The following LIN37 variants were observed in gnomAD, a reference collection of about 807,000 sequenced individuals.
The protein encoded by LIN37 is protein lin-37 homolog.
In LIN37, 21 loss-of-function variants were observed where a neutral mutation model predicts 38.0. That is an observed-to-expected ratio of 0.55 (90% CI 0.39 to 0.80). The LOEUF (loss-of-function observed/expected upper bound fraction) is 0.80. Ranked by LOEUF, LIN37 falls within the 30% of genes least tolerant of loss-of-function variation. LIN37 has a pLI of 0.00. For missense variants in LIN37, 273 were observed against 338.5 expected, an observed-to-expected ratio of 0.81 and a Z score of 1.52; for synonymous variants, 126 against 122.9, an observed-to-expected ratio of 1.03 and a Z score of -0.17.
chr19:35,749,884 G>A (rs912550008), intron 1 of LIN37, among the ~76,000 whole-genome samples: 3 of 152,000 alleles, frequency 2.0e-5, no homozygotes, highest in Admixed American at 1.3e-4. Flanking sequence ...GGTGAGGGAA[G>A]GTGTACACCT....
At position 35,748,664 on chromosome 19, in the gene LIN37, T is replaced by C. The variant is rs1027779005; in HGVS notation, c.-61T>C. 1.2e-6 allele frequency: 2 copies of C among 1,611,530 alleles called. No individual in the cohort carries two copies. The highest frequency in any genetic ancestry group is 2.2e-5 in the East Asian group (1 of 44,864). ...TGTCCCCGCCTTCTCCCGCCTTGAC[T>C]TGTGACCCTAGGCCCTTTGGGGCGC... On this transcript the variant is annotated 5_prime_UTR_variant, in exon 1 of 9. Transcript: ENST00000301159.
At chr19:35,751,256 G>A (rs1245429521) in intron 1 of LIN37, among the ~76,000 whole-genome samples, 2 of 151,964 alleles carry the variant, frequency 1.3e-5, no homozygotes, top group Non-Finnish European at 2.9e-5. Context: ...GGGAGGTGGA[G>A]GTTGCAGTGA....
intron 1 of LIN37, among the ~76,000 whole-genome samples, chr19:35,751,256 G>T (rs1245429521): frequency 6.6e-6 from 1 of 151,964 alleles, no homozygotes; most frequent in Non-Finnish European, 1.5e-5. Context: ...GGGAGGTGGA[G>T]GTTGCAGTGA....
chr19:35,749,064 A>C, intron 1 of LIN37: 1 of 941,856 alleles, frequency 1.1e-6, no homozygotes, highest in Non-Finnish European at 1.3e-6. Flanking sequence ...TAAATTTTTA[A>C]AATATTTAAA....
chr19:35,749,009 CG>C, intron 1 of LIN37: 1 of 1,313,850 alleles, frequency 7.6e-7, no homozygotes, highest in Non-Finnish European at 9.7e-7. Context: ...AATCCTGAGC[CG>C]GTAACTCTGA....
At chr19:35,749,868 A>G (rs1490777528) in intron 1 of LIN37, among the ~76,000 whole-genome samples, 1 of 152,050 alleles carries the variant, frequency 6.6e-6, no homozygotes. Context: ...TGTGACCACA[A>G]ATGATGGTGA....
chr19:35,749,236 C>T (rs891166944), intron 1 of LIN37, among the ~76,000 whole-genome samples: 7 of 151,926 alleles, frequency 4.6e-5, no homozygotes, highest in Non-Finnish European at 1.0e-4. Flanking sequence ...TCCCCATTTC[C>T]AGCAGTGATC....
In LIN37 at chr19:35,754,451, C is replaced by T. The variant is rs779939203; in HGVS notation, c.718C>T (p.Arg240Ter). Residue 240 changes from arginine (R) to a stop codon, truncating the protein, a stop_gained, in exon 9 of 9, where the codon CGA becomes TGA. Transcript: ENST00000301159. LOFTEE classifies it high-confidence loss of function. ...TTACTCAGAAAGCATGAAGATCCTA[C>T]GAGAGATGTACGAACGACAGTGATG... ...LRYSESMKIL[R>*]EMYERQ is the part of the protein sequence containing the mutation. The T allele has an allele frequency of 6.2e-7, 1 of 1,614,022 alleles. No individual in the cohort carries two copies. The highest frequency in any genetic ancestry group is 8.5e-7 in the Non-Finnish European group (1 of 1,179,876).
rs1970710526 is a variant in LIN37, at chr19:35,753,552, T to C, written c.444+299T>C. ...AGCCGAGGGGCTAGACAAGGGTCCT[T>C]AGTACAGACAGAAGTGGCCACCAGG... On this transcript the variant is annotated intron_variant, in intron 6 of 8. Coordinates refer to ENST00000301159, the MANE Select transcript of LIN37 (RefSeq NM_019104.3). 3 of 540,798 alleles carry C rather than the reference T, an allele frequency of 5.5e-6. No individual in the cohort carries two copies. In the Admixed American group the frequency reaches 9.3e-5, roughly 17 times the overall value. 33.5% of individuals were successfully genotyped at this position (540,798 alleles called of 1,614,324 possible).
rs754704937 is a variant in LIN37 at position 35,754,307 on chromosome 19, G to A, written c.647G>A (p.Arg216His). 4.3e-6 allele frequency: 7 copies of A among 1,614,024 alleles called. No homozygotes were observed. The highest frequency in any genetic ancestry group is 2.2e-5 in the East Asian group (1 of 44,884). Residue 216 changes from arginine (R) to histidine (H), a missense_variant, in exon 8 of 9, where the codon CGC becomes CAC. Transcript: ENST00000301159. ...TATCGCAACATGCAGCGCTGGAAAC[G>A]CATCCGCCAGAGGTGAGCGTCCCCC... ...LIYRNMQRWK[R>H]IRQRWKEASH...
intron 1 of LIN37, among the ~76,000 whole-genome samples, chr19:35,749,816 A>AAAG (rs540301765): frequency 0.21 from 19,094 of 91,770 alleles, 1,473 homozygotes; most frequent in Middle Eastern, 0.31. Flanking sequence ...AAAAAAAAAA[A>AAAG]AAAGAAAGGA....
At chr19:35,751,935 T>A in intron 1 of LIN37, 1 of 369,296 alleles carries the variant, frequency 2.7e-6, no homozygotes, top group Non-Finnish European at 5.0e-6. Flanking sequence ...CCCAAAAGGC[T>A]CATAAGGTAA....
rs1970694026 is a variant in LIN37 at position 35,752,644 on chromosome 19, G to C, written c.161+160G>C. The C allele has an allele frequency of 3.2e-6, 4 of 1,257,598 alleles. No individual in the cohort carries two copies. The South Asian group carries it at 5.2e-5, about 16-fold the overall frequency. 77.9% of individuals were successfully genotyped at this position (1,257,598 alleles called of 1,614,324 possible). On this transcript the variant is annotated intron_variant, in intron 3 of 8. Coordinates refer to ENST00000301159, the MANE Select transcript of LIN37 (RefSeq NM_019104.3). ...GCAGGAGAAGCTTAGGTCCCCCCGT[G>C]GTTGCCACCTAGACCCCCATGGGTA...
At chr19:35,749,638 A>G (rs891872970) in intron 1 of LIN37, among the ~76,000 whole-genome samples, 7 of 116,004 alleles carry the variant, frequency 6.0e-5, no homozygotes, top group Admixed American at 3.1e-4. Context: ...TATAAAAAAT[A>G]CAAAAAAAAA....
Position 35,748,611 on chromosome 19 carries a change from C to G in LIN37, c.-114C>G. The G allele has an allele frequency of 2.8e-6, 4 of 1,438,862 alleles. 1 individual carries two copies. The South Asian group carries it at 4.6e-5, about 16-fold the overall frequency. 89.1% of individuals were successfully genotyped at this position (1,438,862 alleles called of 1,614,324 possible). On this transcript the variant is annotated 5_prime_UTR_variant, in exon 1 of 9. Transcript: ENST00000301159. ...CTGGACACAACCAAAGGCGGAGGAC[C>G]CGTGGCCCACGAAGCTCATCTTTGA... is the stretch of plus-strand genomic sequence containing the variant.
chr19:35,752,789 T>C lies in LIN37; in HGVS notation c.162-15T>C. 2 of 1,608,766 alleles carry C rather than the reference T, an allele frequency of 1.2e-6. No individual in the cohort carries two copies. ...CACAGGCGTTTGTCTGAGGGTCAAC[T>C]GTCTTTCCCCACAGGGACTGCTCCA... On this transcript the variant is annotated splice_polypyrimidine_tract_variant and intron_variant, in intron 3 of 8. Coordinates refer to ENST00000301159, the MANE Select transcript of LIN37 (RefSeq NM_019104.3).
Position 35,754,424 on chromosome 19 carries a change from C to T in LIN37, c.691C>T (p.Arg231Cys), listed in dbSNP as rs556772764. 8.4e-5 allele frequency: 135 copies of T among 1,614,042 alleles called. No homozygotes were observed. Among genetic ancestry groups the T allele is most frequent in the Non-Finnish European group, 1.0e-4 (123 of 1,179,900 alleles). ...GGAGGCCTCTCATCGGAACCAGCTTCGTTACTCAGAAAGCATGAAGATCCT... is the reference window on the plus strand; with the variant it reads ...GGAGGCCTCTCATCGGAACCAGCTTTGTTACTCAGAAAGCATGAAGATCCT... ...WKEASHRNQLRYSESMKILRE... is the reference protein window; with the variant it reads ...WKEASHRNQLCYSESMKILRE... Residue 231 changes from arginine (R) to cysteine (C), a missense_variant, in exon 9 of 9, where the codon CGT becomes TGT. By Grantham distance (180) the Arg-to-Cys change is radical. Coordinates refer to ENST00000301159, the MANE Select transcript of LIN37 (RefSeq NM_019104.3).
At chr19:35,753,801 C>CGG in intron 6 of LIN37, 65 of 561,278 alleles carry the variant, frequency 1.2e-4, no homozygotes, top group South Asian at 2.9e-4. Flanking sequence ...GATGGAGTCT[C>CGG]TGGGCTGGAT....
Position 35,752,954 on chromosome 19 carries a change from AG to A in LIN37, c.235del (p.Glu79ArgfsTer18). The A allele has an allele frequency of 1.3e-6, 2 of 1,573,042 alleles. No homozygotes were observed. Among genetic ancestry groups the A allele is most frequent in the Non-Finnish European group, 1.7e-6 (2 of 1,158,740 alleles). ...RFPHQRRKKR[R>X]EMDDGLAEGG... ...CCCCCACCAGCGGAGGAAGAAGAGG[AG>A]GGAGATGGATGATGGGCTGGCTGAG... On this transcript the variant is annotated frameshift_variant, in exon 5 of 9. Transcript: ENST00000301159. LOFTEE classifies it high-confidence loss of function.
Sources: gnomAD v4.1 joint callset for allele counts (sites outside exome capture counted in the v4.1 genomes callset) on GRCh38, gnomAD v4.1.1 for gene constraint, MANE v1.5 for transcripts, NCBI Gene and HGNC (gene_info 2026-07-23, HGNC 2026-07-21) for gene names.